Variants in BTBD16 observed in about 807,000 individuals in gnomAD.
BTBD16 encodes BTB domain containing 16, also known as BTB/POZ domain-containing protein 16.
In BTBD16, 66 loss-of-function variants were observed where a neutral mutation model predicts 67.4. The observed-to-expected ratio is 0.98, with a 90% CI of 0.80 to 1.20. The LOEUF is 1.20. BTBD16 is among the 50% of genes most tolerant of loss of function. The pLI, the probability that BTBD16 is intolerant of heterozygous loss-of-function variation, is 0.00. For synonymous variants in BTBD16, 242 were observed against 236.4 expected, an observed-to-expected ratio of 1.02 and a Z score of -0.22; for missense variants, 634 against 616.0, an observed-to-expected ratio of 1.03 and a Z score of -0.31.
At chr10:122,337,301 G>C (rs1299380405) in intron 15 of BTBD16, among the ~76,000 whole-genome samples, 2 of 152,192 alleles carry the variant, frequency 1.3e-5, no homozygotes, top group African/African-American at 2.4e-5. Context: ...TCGGGCCAGG[G>C]TATCAGTATT....
chr10:122,279,234 T>G (rs2096347149), intron 3 of BTBD16, among the ~76,000 whole-genome samples: 1 of 151,874 alleles, frequency 6.6e-6, no homozygotes, highest in Non-Finnish European at 1.5e-5. Context: ...TCCTAGTGCT[T>G]TGGGAGGTCT....
chr10:122,283,925 G>T lies in BTBD16; in HGVS notation c.241+1G>T. ...AAGGACATCCAAAGTGGGGAAGCAG[G>T]TGAGTTTGTGTTATCCATGGATTAA... is the stretch of plus-strand genomic sequence containing the variant. On this transcript the variant is annotated splice_donor_variant, in intron 4 of 15. Coordinates refer to ENST00000260723, the MANE Select transcript of BTBD16 (RefSeq NM_144587.5). LOFTEE classifies it high-confidence loss of function. 1 of 1,610,512 alleles carries T rather than the reference G, an allele frequency of 6.2e-7. No individual in the cohort carries two copies. Among genetic ancestry groups the T allele is most frequent in the East Asian group, 2.2e-5 (1 of 44,856 alleles).
chr10:122,296,269 T>G (rs1280847354), intron 7 of BTBD16, among the ~76,000 whole-genome samples: 1 of 152,152 alleles, frequency 6.6e-6, no homozygotes, highest in Admixed American at 6.5e-5. Context: ...AATCTTATAA[T>G]GTTTTTTTCT....
chr10:122,287,625 T>A, intron 5 of BTBD16: 1 of 257,294 alleles, frequency 3.9e-6, no homozygotes, highest in Non-Finnish European at 6.1e-6. Flanking sequence ...CATGTGCCTT[T>A]AAAAGCGAAA....
chr10:122,294,880 ACTCCAAG>A (rs1185847720), intron 7 of BTBD16, among the ~76,000 whole-genome samples: 1 of 152,174 alleles, frequency 6.6e-6, no homozygotes, highest in Non-Finnish European at 1.5e-5. Flanking sequence ...CTCCCCTGCA[ACTCCAAG>A]CCCAGCTAGT....
intron 10 of BTBD16, 50 bp downstream of exon 10, chr10:122,307,358 C>A: frequency 1.3e-6 from 2 of 1,510,694 alleles, no homozygotes; most frequent in Non-Finnish European, 1.8e-6. Context: ...CTGAAATGTA[C>A]AAACACTGCT....
At chr10:122,289,813 G>A in intron 5 of BTBD16, 96 bp from the exon 6 acceptor site, 1 of 725,546 alleles carries the variant, frequency 1.4e-6, no homozygotes, top group Non-Finnish European at 2.4e-6. Context: ...TACATATCTT[G>A]ATACCTCATG....
chr10:122,310,857 C>T (rs367976250), intron 10 of BTBD16, among the ~76,000 whole-genome samples: 6 of 152,248 alleles, frequency 3.9e-5, no homozygotes, highest in Middle Eastern at 3.4e-3. Flanking sequence ...TTAGCTCACC[C>T]GGACCTTGAC....
rs756474278 is a variant in BTBD16 at position 122,275,136 on chromosome 10, G to A, written c.18+37G>A. The A allele has an allele frequency of 8.1e-6, 13 of 1,601,384 alleles. No homozygotes were observed. In the African/African-American group the frequency reaches 1.7e-4, roughly 21 times the overall value. On this transcript the variant is annotated intron_variant, in intron 2 of 15. Coordinates refer to ENST00000260723, the MANE Select transcript of BTBD16 (RefSeq NM_144587.5). ...AGTTTCTCAAGAAGGTAGGTGATGA[G>A]AAGAAGCATTTGCTTATGGTCATTT... is the stretch of plus-strand genomic sequence containing the variant.
chr10:122,306,133 G>A (rs1321979710), intron 9 of BTBD16, among the ~76,000 whole-genome samples: 1 of 152,220 alleles, frequency 6.6e-6, no homozygotes, highest in African/African-American at 2.4e-5. Flanking sequence ...AAGCCAAAGA[G>A]TCAGAACCAT....
intron 10 of BTBD16, among the ~76,000 whole-genome samples, chr10:122,308,580 C>G (rs1012126248): frequency 6.6e-6 from 1 of 152,148 alleles, no homozygotes; most frequent in African/African-American, 2.4e-5. Context: ...CTCCAGACAG[C>G]CAGAGCCTGC....
At chr10:122,305,312 A>AAG (rs2096401682) in intron 9 of BTBD16, among the ~76,000 whole-genome samples, 1 of 152,200 alleles carries the variant, frequency 6.6e-6, no homozygotes, top group Admixed American at 6.5e-5. Context: ...ACCAAATCTC[A>AAG]CATTGAATTG....
chr10:122,306,566 G>A (rs1193039091), intron 9 of BTBD16, among the ~76,000 whole-genome samples: 1 of 152,174 alleles, frequency 6.6e-6, no homozygotes, highest in Non-Finnish European at 1.5e-5. Flanking sequence ...CTATACCCAG[G>A]TCTGAGCCCA....
intron 10 of BTBD16, among the ~76,000 whole-genome samples, chr10:122,314,804 A>G (rs2096420964): frequency 6.6e-6 from 1 of 152,216 alleles, no homozygotes; most frequent in African/African-American, 2.4e-5. Flanking sequence ...GAATAATACT[A>G]GATTTATCTC....
intron 9 of BTBD16, among the ~76,000 whole-genome samples, chr10:122,299,628 C>A (rs770402902): frequency 1.3e-5 from 2 of 151,898 alleles, no homozygotes; most frequent in Non-Finnish European, 2.9e-5. Flanking sequence ...AACCCTGCCC[C>A]CAGTGTTCCT....
In BTBD16 at chr10:122,276,859, C is replaced by T; in HGVS notation, c.87C>T (p.Phe29=). The T allele has an allele frequency of 6.2e-7, 1 of 1,614,254 alleles. No homozygotes were observed. The part of the protein sequence containing the change: ...TNRWRLPKQP[F]SGDLLSLSQM... ...GGTGGCGTTTGCCCAAACAGCCTTT[C>T]TCTGGGGACCTGCTCTCACTTTCCC... The change falls in exon 3 of 16, where the codon TTC becomes TTT. Residue 29 remains phenylalanine (F), a synonymous_variant. Transcript: ENST00000260723.
At chr10:122,335,908 G>A (rs1454436657) in intron 14 of BTBD16, among the ~76,000 whole-genome samples, 4 of 151,962 alleles carry the variant, frequency 2.6e-5, no homozygotes, top group East Asian at 3.9e-4. Context: ...TCACTCTGTT[G>A]CCCAGGCTGC....
chr10:122,274,970 T>G lies in BTBD16; in HGVS notation c.-42-70T>G, dbSNP rs180988851. 1.2e-5 allele frequency: 13 copies of G among 1,051,162 alleles called. No homozygotes were observed. The East Asian group carries it at 3.1e-4, about 25-fold the overall frequency. 65.1% of individuals were successfully genotyped at this position (1,051,162 alleles called of 1,614,324 possible). A position where few individuals can be genotyped will look rare whatever the true frequency, so the allele number is the denominator to read the frequency against. On this transcript the variant is annotated intron_variant, in intron 1 of 15. Transcript: ENST00000260723. ...GTTCCTGTGGCAAAGTATAGATTCT[T>G]TAGGCCAATCTCCTCCATAATATTT...
At position 122,317,665 on chromosome 10, in the gene BTBD16, A is replaced by AC. The variant is rs544967581; in HGVS notation, c.911+10357_911+10358insC. On this transcript the variant is annotated intron_variant, in intron 10 of 15. Coordinates refer to ENST00000260723, the MANE Select transcript of BTBD16 (RefSeq NM_144587.5). ...CTGTCTCAAAAAAACACAAAAAAAC[A>AC]AAAAAAACAAAAAAACAACAAAAAA... Among the ~76,000 whole-genome samples the AC allele has an allele frequency of 6.0e-3, 221 of 36,732 alleles. 1 individual carries two copies. The highest frequency in any genetic ancestry group is 8.9e-3 in the South Asian group (13 of 1,464). 24.1% of individuals were successfully genotyped at this position (36,732 alleles called of 152,430 possible). A position where few individuals can be genotyped will look rare whatever the true frequency, so the allele number is the denominator to read the frequency against.
Sources: gnomAD v4.1 joint callset for allele counts (sites outside exome capture counted in the v4.1 genomes callset) on GRCh38, gnomAD v4.1.1 for gene constraint, MANE v1.5 for transcripts, NCBI Gene and HGNC (gene_info 2026-07-23, HGNC 2026-07-21) for gene names.